UBASH3A: variants seen among roughly 807,000 people sequenced by gnomAD.
The protein encoded by UBASH3A is ubiquitin-associated and SH3 domain-containing protein A.
Under a neutral mutation model 73.5 loss-of-function variants are expected in UBASH3A, and 63 were observed. The ratio of observed to expected loss-of-function variants is 0.86; its 90% CI spans 0.70 to 1.06. The LOEUF is 1.06. UBASH3A is among the 50% of genes least tolerant of loss of function. The pLI, the probability that UBASH3A is intolerant of heterozygous loss-of-function variation, is 0.00. For synonymous variants in UBASH3A, 363 were observed against 351.1 expected, an observed-to-expected ratio of 1.03 and a Z score of -0.38; for missense variants, 860 against 859.0, an observed-to-expected ratio of 1.00 and a Z score of -0.02.
At chr21:42,411,091 A>G (rs931176752) in intron 3 of UBASH3A, among the ~76,000 whole-genome samples, 1 of 151,628 alleles carries the variant, frequency 6.6e-6, no homozygotes, top group African/African-American at 2.4e-5. Context: ...ACACAGAGAC[A>G]CAGATACACA....
At chr21:42,446,140 C>T (rs2053840435) in intron 14 of UBASH3A, among the ~76,000 whole-genome samples, 1 of 152,204 alleles carries the variant, frequency 6.6e-6, no homozygotes, top group South Asian at 2.1e-4. Context: ...GGCCAAAGCT[C>T]CACCCACTCC....
In UBASH3A at chr21:42,418,563, A is replaced by C. The variant is rs769553662; in HGVS notation, c.1000A>C (p.Asn334His). The C allele has an allele frequency of 6.2e-7, 1 of 1,614,172 alleles. No individual in the cohort carries two copies. The highest frequency in any genetic ancestry group is 8.5e-7 in the Non-Finnish European group (1 of 1,180,024). The change falls in exon 7 of 15, where the codon AAC becomes CAC. Residue 334 changes from asparagine to histidine, a missense_variant. Physicochemically the swap from Asn to His is moderately conservative, Grantham distance 68. Coordinates refer to ENST00000319294, the MANE Select transcript of UBASH3A (RefSeq NM_018961.4). ...GGGCTGCCGGGGCTTCCTGCCGGAA[A>C]ACTACACGGATCGAGCCAGTGAGTC... ...RTGCRGFLPE[N>H]YTDRASESDT...
intron 13 of UBASH3A, 150 bp downstream of exon 13, chr21:42,443,568 ACTGCTG>A: frequency 3.1e-6 from 2 of 655,408 alleles, no homozygotes; most frequent in East Asian, 3.0e-5. Context: ...AGTTTTCATC[ACTGCTG>A]CTGCTGCTGC....
intron 1 of UBASH3A, among the ~76,000 whole-genome samples, chr21:42,405,333 G>T (rs1165083047): frequency 6.6e-6 from 1 of 152,206 alleles, no homozygotes; most frequent in Non-Finnish European, 1.5e-5. Flanking sequence ...CCCAGAGAGT[G>T]CATTAGTGGC....
chr21:42,426,645 G>T, intron 7 of UBASH3A, 52 bp from the exon 8 acceptor site: 1 of 1,600,234 alleles, frequency 6.2e-7, no homozygotes, highest in Non-Finnish European at 8.5e-7. Context: ...GGGTCTCCAT[G>T]GCAACAACAT....
intron 5 of UBASH3A, among the ~76,000 whole-genome samples, chr21:42,414,831 G>C (rs1326272125): frequency 1.8e-4 from 28 of 152,204 alleles, no homozygotes; most frequent in Admixed American, 1.8e-3. Context: ...CATTTCTGTT[G>C]TTTGAAACCA....
At chr21:42,437,082 C>T (rs1329646534) in intron 10 of UBASH3A, among the ~76,000 whole-genome samples, 2 of 152,260 alleles carry the variant, frequency 1.3e-5, no homozygotes, top group South Asian at 2.1e-4. Flanking sequence ...CTGGGGGCTG[C>T]TCCCAGCCCT....
At chr21:42,432,012 T>G in intron 8 of UBASH3A, 91 bp from the exon 9 acceptor site, 1 of 732,834 alleles carries the variant, frequency 1.4e-6, no homozygotes, top group Non-Finnish European at 2.4e-6. Flanking sequence ...TCCCTCGCAG[T>G]TGCTGGGTGA....
At position 42,439,739 on chromosome 21, in the gene UBASH3A, CCA is replaced by C. The variant is rs1321240798; in HGVS notation, c.1486+2167_1486+2168del. Among the ~76,000 whole-genome samples, 6 of 136,986 alleles carry C rather than the reference CCA, an allele frequency of 4.4e-5. No homozygotes were observed. In the South Asian group the frequency reaches 1.2e-3, roughly 28 times the overall value. The allele number at this position is 136,986 out of a possible 152,430, so 89.9% of individuals were successfully genotyped here. A position where few individuals can be genotyped will look rare whatever the true frequency, so the allele number is the denominator to read the frequency against. ...ATGCACACCCACACACCACACACAC[CCA>C]CACACACCACACACACCCACACACA... On this transcript the variant is annotated intron_variant, in intron 11 of 14. Coordinates refer to ENST00000319294, the MANE Select transcript of UBASH3A (RefSeq NM_018961.4).
At position 42,442,449 on chromosome 21, in the gene UBASH3A, C is replaced by G. The variant is rs1310929358; in HGVS notation, c.1487-3C>G. The stretch of plus-strand genomic sequence containing the variant: ...ATAAACACTTGTATTCTGTTGAATC[C>G]AGAACTCAAACTGGAGAAAAAAATC... On this transcript the variant is annotated splice_polypyrimidine_tract_variant and splice_region_variant and intron_variant, in intron 11 of 14. Coordinates refer to ENST00000319294, the MANE Select transcript of UBASH3A (RefSeq NM_018961.4). 1.2e-5 allele frequency: 19 copies of G among 1,613,112 alleles called. No homozygotes were observed. Among genetic ancestry groups the G allele is most frequent in the Non-Finnish European group, 1.5e-5 (18 of 1,179,788 alleles).
intron 8 of UBASH3A, among the ~76,000 whole-genome samples, chr21:42,431,293 C>T (rs1018777326): frequency 2.6e-5 from 4 of 152,340 alleles, no homozygotes; most frequent in Non-Finnish European, 5.9e-5. Context: ...TAGCCAGCCT[C>T]GCTGCCCCAA....
chr21:42,444,127 T>A (rs2053803913), intron 13 of UBASH3A, among the ~76,000 whole-genome samples: 1 of 152,202 alleles, frequency 6.6e-6, no homozygotes, highest in African/African-American at 2.4e-5. Context: ...GCCTGTGGTC[T>A]CCAGGTGTTC....
chr21:42,432,098 C>A lies in UBASH3A; in HGVS notation c.1171-5C>A. The A allele has an allele frequency of 1.2e-6, 2 of 1,607,130 alleles. No individual in the cohort carries two copies. Among genetic ancestry groups the A allele is most frequent in the Non-Finnish European group, 8.5e-7 (1 of 1,174,848 alleles). On this transcript the variant is annotated splice_region_variant and splice_polypyrimidine_tract_variant and intron_variant, in intron 8 of 14. Transcript: ENST00000319294. The stretch of plus-strand genomic sequence containing the variant: ...ATGTGCCTTGCTTCCTGCCCCACCC[C>A]CCAGGCTACCGTTGCAAGGAAGAGC...
intron 1 of UBASH3A, among the ~76,000 whole-genome samples, chr21:42,406,063 A>G (rs1281769745): frequency 4.0e-5 from 6 of 151,284 alleles, no homozygotes; most frequent in African/African-American, 1.5e-4. Context: ...ACCCCGTGCC[A>G]AGGGCTGAAG....
rs199533214 is a variant in UBASH3A, at chr21:42,416,533, C to T, written c.759C>T (p.Ala253=). The change falls in exon 6 of 15, where the codon GCC becomes GCT. Residue 253 remains alanine, a synonymous_variant. Transcript: ENST00000319294. ...ACCAGAGGACGCTGGAGCAGCTGGC[C>T]AGAGCCATCCCCCTGGGCCACAGCT... ...PHHQRTLEQL[A]RAIPLGHSCQ... is the part of the protein sequence containing the mutation. 2.5e-6 allele frequency: 4 copies of T among 1,611,308 alleles called. No homozygotes were observed. In the East Asian group the frequency reaches 9.0e-5, roughly 36 times the overall value.
chr21:42,419,950 G>A (rs2053304054), intron 7 of UBASH3A, among the ~76,000 whole-genome samples: 1 of 152,194 alleles, frequency 6.6e-6, no homozygotes, highest in East Asian at 1.9e-4. Flanking sequence ...GTGATGTTCA[G>A]TAGGTTAGGT....
rs1475098968 is a variant in UBASH3A at position 42,426,817 on chromosome 21, G to A, written c.1167G>A (p.Leu389=). 1 of 1,613,778 alleles carries A rather than the reference G, an allele frequency of 6.2e-7. No individual in the cohort carries two copies. Among genetic ancestry groups the A allele is most frequent in the Admixed American group, 1.7e-5 (1 of 59,914 alleles). Residue 389 remains leucine (L), a synonymous_variant, in exon 8 of 15, where the codon TTG becomes TTA. Coordinates refer to ENST00000319294, the MANE Select transcript of UBASH3A (RefSeq NM_018961.4). ...TARSLSSLQA[L]QATVARKSVL... Reference sequence around the variant, plus strand: ...GGAGTCTTAGCAGCTTACAGGCCTTGCAGGTAATAGAACATTCCCTTTTTT... The same window carrying A: ...GGAGTCTTAGCAGCTTACAGGCCTTACAGGTAATAGAACATTCCCTTTTTT...
At chr21:42,443,281 G>T in intron 12 of UBASH3A, 31 bp from the exon 13 acceptor site, 1 of 1,601,256 alleles carries the variant, frequency 6.2e-7, no homozygotes, top group Non-Finnish European at 8.5e-7. Context: ...GAAAGTGCCA[G>T]GGCAGCAGCC....
At chr21:42,427,552 G>A (rs1489143597) in intron 8 of UBASH3A, among the ~76,000 whole-genome samples, 1 of 152,214 alleles carries the variant, frequency 6.6e-6, no homozygotes. Context: ...ATCGACACAG[G>A]AGGCGCTATT....
Sources: gnomAD v4.1 joint callset for allele counts (sites outside exome capture counted in the v4.1 genomes callset) on GRCh38, gnomAD v4.1.1 for gene constraint, MANE v1.5 for transcripts, NCBI Gene and HGNC (gene_info 2026-07-23, HGNC 2026-07-21) for gene names.